The following RNF185 variants were observed in gnomAD, a reference collection of about 807,000 sequenced individuals.
The protein encoded by RNF185 is ring finger protein 185, also known as E3 ubiquitin-protein ligase RNF185.
Under a neutral mutation model 24.9 loss-of-function variants are expected in RNF185, and 13 were observed. The observed-to-expected ratio is 0.52, with a 90% CI of 0.34 to 0.83. RNF185 has a LOEUF of 0.83. Among genes scored for constraint, RNF185 ranks in the 40% least tolerant of loss-of-function variants. The pLI is 0.01. For synonymous variants in RNF185, 79 were observed against 90.3 expected (o/e 0.88, Z 0.71); for missense variants, 184 against 244.7 (o/e 0.75, Z 1.65).
In RNF185 at chr22:31,180,911, C is replaced by CTGTGTGTGTG. The variant is rs1480111783; in HGVS notation, c.-48-6135_-48-6134insGTGTGTGTGT. 4.0e-5 allele frequency among the ~76,000 whole-genome samples: 5 copies of CTGTGTGTGTG among 124,532 alleles called. No homozygotes were observed. In the South Asian group the frequency reaches 1.1e-3, roughly 27 times the overall value. 81.7% of individuals were successfully genotyped at this position (124,532 alleles called of 152,430 possible). The stretch of plus-strand genomic sequence containing the variant: ...TGTATTTTCTAGGCATTTTCTCTCT[C>CTGTGTGTGTG]TCTCTGTGTGTGTGTGTGTGTGTGT... On this transcript the variant is annotated intron_variant, in intron 1 of 6. Transcript: ENST00000326132.
At chr22:31,198,797 A>C (rs1355688604) in intron 5 of RNF185, among the ~76,000 whole-genome samples, 1 of 146,968 alleles carries the variant, frequency 6.8e-6, no homozygotes, top group Non-Finnish European at 1.5e-5. Context: ...GGATCTTGAA[A>C]GAAATTAAGG....
At chr22:31,172,605 C>T (rs932296413) in intron 1 of RNF185, among the ~76,000 whole-genome samples, 2 of 151,890 alleles carry the variant, frequency 1.3e-5, no homozygotes, top group Non-Finnish European at 2.9e-5. Context: ...AAAAATTGGC[C>T]AGTCATGATG....
chr22:31,188,686 C>T (rs1015388965), intron 2 of RNF185, among the ~76,000 whole-genome samples: 9 of 151,454 alleles, frequency 5.9e-5, no homozygotes, highest in East Asian at 1.9e-4. Flanking sequence ...GGCATGGTGG[C>T]GGTACCTGTA....
intron 1 of RNF185, among the ~76,000 whole-genome samples, chr22:31,174,097 G>T (rs757860196): frequency 6.6e-6 from 1 of 152,148 alleles, no homozygotes; most frequent in Non-Finnish European, 1.5e-5. Context: ...TGCTAGTCCC[G>T]TACTGTTTTA....
intron 3 of RNF185, 124 bp downstream of exon 3, chr22:31,192,826 C>A: frequency 1.2e-6 from 1 of 833,972 alleles, no homozygotes; most frequent in East Asian, 2.4e-5. Context: ...TGCTTACTTA[C>A]CCCCACAGCC....
chr22:31,163,922 C>G (rs1923746615), intron 1 of RNF185, among the ~76,000 whole-genome samples: 2 of 151,968 alleles, frequency 1.3e-5, no homozygotes, highest in Non-Finnish European at 2.9e-5. Context: ...GATCCACCCA[C>G]CTCAGCTTCC....
chr22:31,166,558 T>TTTCTTCTTC lies in RNF185; in HGVS notation c.-49+6271_-49+6279dup, dbSNP rs3068173. On this transcript the variant is annotated intron_variant, in intron 1 of 6. Transcript: ENST00000326132. ...TTTTTGCCAGCCTCTTCTATAAGCA[T>TTTCTTCTTC]TTCTTCTTCTTCTTCTTCTTCTTCC... 2.1e-3 allele frequency among the ~76,000 whole-genome samples: 309 copies of TTTCTTCTTC among 147,578 alleles called. 2 individuals carry two copies. The highest frequency in any genetic ancestry group is 2.4e-3 in the Non-Finnish European group (160 of 66,986).
Position 31,187,118 on chromosome 22 carries a change from C to T in RNF185, c.24C>T (p.Ala8=), listed in dbSNP as rs2048107077. The stretch of plus-strand genomic sequence containing the variant: ...GGATGGCAAGCAAGGGGCCCTCGGC[C>T]TCTGCATCTCCTGAGAACTCCAGTG... MASKGPS[A]SASPENSSAG... Residue 8 remains alanine (A), a synonymous_variant, in exon 2 of 7, where the codon GCC becomes GCT. Coordinates refer to ENST00000326132, the MANE Select transcript of RNF185 (RefSeq NM_152267.4). The T allele has an allele frequency of 6.2e-7, 1 of 1,608,872 alleles. No individual in the cohort carries two copies. Among genetic ancestry groups the T allele is most frequent in the Admixed American group, 1.7e-5 (1 of 58,902 alleles).
chr22:31,183,452 A>G (rs906041462), intron 1 of RNF185, among the ~76,000 whole-genome samples: 2 of 151,784 alleles, frequency 1.3e-5, no homozygotes. Flanking sequence ...TGGCAGGGTC[A>G]TAGGACAATA....
At chr22:31,180,955 G>GTC in intron 1 of RNF185, among the ~76,000 whole-genome samples, 2 of 150,906 alleles carry the variant, frequency 1.3e-5, no homozygotes, top group East Asian at 2.0e-4. Flanking sequence ...GTGTGTGTGT[G>GTC]TGTCTGCCTG....
At chr22:31,162,090 CCT>C (rs1923614400) in intron 1 of RNF185, among the ~76,000 whole-genome samples, 1 of 152,012 alleles carries the variant, frequency 6.6e-6, no homozygotes, top group Non-Finnish European at 1.5e-5. Flanking sequence ...CAAAGCTCTG[CCT>C]AAATCACTTT....
chr22:31,198,042 A>G (rs537880770), intron 5 of RNF185, among the ~76,000 whole-genome samples: 5 of 152,360 alleles, frequency 3.3e-5, no homozygotes, highest in Admixed American at 3.3e-4. Flanking sequence ...GAAATTTTAA[A>G]AGCAAAATAT....
Position 31,176,118 on chromosome 22 carries a change from G to A in RNF185, c.-48-10929G>A, listed in dbSNP as rs1389332143. ...ACTATGGAAAAGGTGGCAAGTACATGTAAGTATTTTTTAAAGCTTAAGAAA... is the reference window on the plus strand; with the variant it reads ...ACTATGGAAAAGGTGGCAAGTACATATAAGTATTTTTTAAAGCTTAAGAAA... On this transcript the variant is annotated intron_variant, in intron 1 of 6. Transcript: ENST00000326132. 2.0e-5 allele frequency among the ~76,000 whole-genome samples: 3 copies of A among 152,074 alleles called. No individual in the cohort carries two copies. The East Asian group carries it at 5.8e-4, about 29-fold the overall frequency.
chr22:31,191,063 C>T (rs1388812631), intron 2 of RNF185, among the ~76,000 whole-genome samples: 1 of 152,238 alleles, frequency 6.6e-6, no homozygotes, highest in Non-Finnish European at 1.5e-5. Flanking sequence ...TAAGTACACT[C>T]TGTGATGCTC....
chr22:31,169,598 G>A (rs1337532242), intron 1 of RNF185, among the ~76,000 whole-genome samples: 3 of 152,096 alleles, frequency 2.0e-5, no homozygotes, highest in African/African-American at 7.2e-5. Context: ...CGAGGCTGGA[G>A]TGCAGTGGCG....
chr22:31,197,722 A>C (rs1341920962), intron 5 of RNF185, among the ~76,000 whole-genome samples: 1 of 151,508 alleles, frequency 6.6e-6, no homozygotes, highest in African/African-American at 2.4e-5. Flanking sequence ...TAGTTTTTTG[A>C]GTTTTTTTTT....
At chr22:31,192,537 G>C in intron 2 of RNF185, 147 bp from the exon 3 acceptor site, 3 of 693,176 alleles carry the variant, frequency 4.3e-6, no homozygotes, top group Non-Finnish European at 7.9e-6. Context: ...ACCTCAATGG[G>C]CATGCAGTGC....
chr22:31,164,605 T>C (rs1175580502), intron 1 of RNF185, among the ~76,000 whole-genome samples: 1 of 99,970 alleles, frequency 1.0e-5, no homozygotes, highest in African/African-American at 4.6e-5. Context: ...TTTTTTTTTT[T>C]TGAGACGGAG....
intron 1 of RNF185, among the ~76,000 whole-genome samples, chr22:31,173,431 A>ACACACG (rs1371639658): frequency 1.3e-5 from 2 of 151,744 alleles, no homozygotes; most frequent in Admixed American, 6.6e-5. Context: ...ACACACACAC[A>ACACACG]CACACACACA....
Sources: gnomAD v4.1 joint callset for allele counts (sites outside exome capture counted in the v4.1 genomes callset) on GRCh38, gnomAD v4.1.1 for gene constraint, MANE v1.5 for transcripts, NCBI Gene and HGNC (gene_info 2026-07-23, HGNC 2026-07-21) for gene names.